The following FSIP1 variants were observed in gnomAD, a reference collection of about 807,000 sequenced individuals.
FSIP1 encodes the protein fibrous sheath interacting protein 1.
FSIP1 carries 65 observed loss-of-function variants against 60.9 expected under a neutral mutation model. The observed-to-expected ratio is 1.07, with a 90% CI of 0.87 to 1.31. The LOEUF is 1.31. Ranked by LOEUF, FSIP1 falls within the 40% of genes most tolerant of loss-of-function variation. The pLI is 0.00. For synonymous variants in FSIP1, 209 were observed against 221.2 expected, an observed-to-expected ratio of 0.94 and a Z score of 0.49; for missense variants, 675 against 665.5, an observed-to-expected ratio of 1.01 and a Z score of -0.16.
At chr15:39,630,802 G>A (rs565368180) in intron 10 of FSIP1, among the ~76,000 whole-genome samples, 8 of 152,120 alleles carry the variant, frequency 5.3e-5, no homozygotes, top group South Asian at 2.1e-4. Context: ...CCTTTTTCGA[G>A]GGGGAGCACC....
chr15:39,728,314 G>T (rs1324643628), intron 8 of FSIP1, among the ~76,000 whole-genome samples: 4 of 152,080 alleles, frequency 2.6e-5, no homozygotes, highest in Non-Finnish European at 5.9e-5. Context: ...AACCAGAAAA[G>T]AGCCTGGATA....
At chr15:39,766,785 T>C (rs920574764) in intron 3 of FSIP1, among the ~76,000 whole-genome samples, 5 of 152,236 alleles carry the variant, frequency 3.3e-5, no homozygotes, top group African/African-American at 9.7e-5. Flanking sequence ...ATTTATCAAC[T>C]TTTGAAAACC....
In FSIP1 at chr15:39,770,618, T is replaced by C. The variant is rs1292713578; in HGVS notation, c.127-8A>G. 2.1e-6 allele frequency: 3 copies of C among 1,461,428 alleles called. No individual in the cohort carries two copies. Among genetic ancestry groups the C allele is most frequent in the Admixed American group, 2.6e-5 (1 of 38,008 alleles). The allele number at this position is 1,461,428 out of a possible 1,614,324, so 90.5% of individuals were successfully genotyped here. ...GTTGCTTGCAGTATCGACCTAAAAA[T>C]AATTTCAAAAAAAAAACAGTTTCCG... On this transcript the variant is annotated splice_polypyrimidine_tract_variant and splice_region_variant and intron_variant, in intron 2 of 11. Transcript: ENST00000350221.
chr15:39,601,510 T>C (rs185994988), intron 11 of FSIP1, among the ~76,000 whole-genome samples: 3 of 152,306 alleles, frequency 2.0e-5, no homozygotes, highest in Admixed American at 6.5e-5. Flanking sequence ...TGGCAGTTCC[T>C]GAGAAGGTTA....
At chr15:39,631,951 T>C (rs1450289442) in intron 10 of FSIP1, among the ~76,000 whole-genome samples, 1 of 152,206 alleles carries the variant, frequency 6.6e-6, no homozygotes, top group Non-Finnish European at 1.5e-5. Flanking sequence ...GTCATGTTAA[T>C]ATTTTCTCCT....
chr15:39,668,827 A>G (rs1312453685), intron 10 of FSIP1, among the ~76,000 whole-genome samples: 3 of 152,196 alleles, frequency 2.0e-5, no homozygotes, highest in Admixed American at 6.5e-5. Flanking sequence ...CCCATTTAAA[A>G]ATAATAAATA....
At chr15:39,677,985 A>G (rs1274200023) in intron 10 of FSIP1, among the ~76,000 whole-genome samples, 1 of 151,044 alleles carries the variant, frequency 6.6e-6, no homozygotes, top group Admixed American at 6.6e-5. Flanking sequence ...ACAGAGCGAG[A>G]ATTCGTCTCA....
chr15:39,631,578 T>C (rs966950757), intron 10 of FSIP1, among the ~76,000 whole-genome samples: 1 of 152,170 alleles, frequency 6.6e-6, no homozygotes, highest in Non-Finnish European at 1.5e-5. Flanking sequence ...CCAGACTTCA[T>C]GTCCACTCAC....
At chr15:39,762,475 G>A (rs1897534569) in intron 5 of FSIP1, among the ~76,000 whole-genome samples, 1 of 152,164 alleles carries the variant, frequency 6.6e-6, no homozygotes. Flanking sequence ...CAAAGACCCT[G>A]TTTCCAAATA....
Position 39,697,265 on chromosome 15 carries a change from A to C in FSIP1, c.1188+16179T>G, listed in dbSNP as rs570375350. ...AGATATACCAAACAAAAACAAAAACAAAAAAACCTAAAACTTGCTGTGTGT... is the reference window on the plus strand; with the variant it reads ...AGATATACCAAACAAAAACAAAAACCAAAAAACCTAAAACTTGCTGTGTGT... On this transcript the variant is annotated intron_variant, in intron 10 of 11. Coordinates refer to ENST00000350221, the MANE Select transcript of FSIP1 (RefSeq NM_152597.5). Among the ~76,000 whole-genome samples, 66 of 152,206 alleles carry C rather than the reference A, an allele frequency of 4.3e-4. 1 individual carries two copies. In the South Asian group the frequency reaches 0.013, roughly 31 times the overall value.
chr15:39,767,040 G>C (rs1897715207), intron 3 of FSIP1, among the ~76,000 whole-genome samples: 1 of 152,014 alleles, frequency 6.6e-6, no homozygotes, highest in African/African-American at 2.4e-5. Context: ...GTAGAGATGG[G>C]GGTCTCACTA....
chr15:39,725,786 A>ATT lies in FSIP1; in HGVS notation c.1050+801_1050+802dup, dbSNP rs201621001. ...TCTGATATGCCATACCTTCTACCAGATTTTTTTTTTTTTTTTGACAGAGAA... is the reference window on the plus strand; with the variant it reads ...TCTGATATGCCATACCTTCTACCAGATTTTTTTTTTTTTTTTTTGACAGAGAA... On this transcript the variant is annotated intron_variant, in intron 9 of 11. Coordinates refer to ENST00000350221, the MANE Select transcript of FSIP1 (RefSeq NM_152597.5). 4.2e-3 allele frequency among the ~76,000 whole-genome samples: 605 copies of ATT among 143,480 alleles called. 5 individuals carry two copies. The highest frequency in any genetic ancestry group is 0.014 in the African/African-American group (558 of 39,372). The allele number at this position is 143,480 out of a possible 152,430, so 94.1% of individuals were successfully genotyped here. A position where few individuals can be genotyped will look rare whatever the true frequency, so the allele number is the denominator to read the frequency against.
At chr15:39,648,514 G>A (rs1434538375) in intron 10 of FSIP1, among the ~76,000 whole-genome samples, 10 of 152,194 alleles carry the variant, frequency 6.6e-5, no homozygotes, top group Admixed American at 5.9e-4. Flanking sequence ...CACTGACACA[G>A]ACCAATGCTT....
At chr15:39,675,315 C>T (rs376842669) in intron 10 of FSIP1, among the ~76,000 whole-genome samples, 2 of 152,296 alleles carry the variant, frequency 1.3e-5, no homozygotes, top group East Asian at 1.9e-4. Flanking sequence ...ATACATTCCT[C>T]TGTGCCATTC....
At chr15:39,684,022 T>C (rs574070225) in intron 10 of FSIP1, among the ~76,000 whole-genome samples, 4 of 152,354 alleles carry the variant, frequency 2.6e-5, no homozygotes, top group Non-Finnish European at 5.9e-5. Flanking sequence ...ACCAAACTTA[T>C]CTATAAATTT....
chr15:39,769,152 G>A (rs934587859), intron 3 of FSIP1, among the ~76,000 whole-genome samples: 38 of 151,958 alleles, frequency 2.5e-4, no homozygotes, highest in African/African-American at 7.2e-4. Context: ...GGTAGCGGGC[G>A]CCTGTAGTCC....
intron 10 of FSIP1, among the ~76,000 whole-genome samples, chr15:39,675,164 C>T (rs562273760): frequency 1.4e-3 from 218 of 152,074 alleles, no homozygotes; most frequent in African/African-American, 4.9e-3. Context: ...ATTTTTAAGT[C>T]GGATAGTAGC....
chr15:39,626,011 G>A (rs1891624019), intron 10 of FSIP1, among the ~76,000 whole-genome samples: 4 of 152,184 alleles, frequency 2.6e-5, no homozygotes, highest in Admixed American at 2.6e-4. Context: ...GTAGAGATAA[G>A]TTGGGTCAAG....
At chr15:39,763,724 G>C in intron 5 of FSIP1, 97 bp downstream of exon 5, 1 of 702,678 alleles carries the variant, frequency 1.4e-6, no homozygotes, top group Non-Finnish European at 2.6e-6. Flanking sequence ...AACTCACAAA[G>C]AACAGGACAG....
Sources: allele counts gnomAD v4.1 joint callset (sites outside exome capture counted in the v4.1 genomes callset), GRCh38; gene constraint gnomAD v4.1.1; transcripts MANE v1.5; gene names NCBI Gene and HGNC (gene_info 2026-07-23, HGNC 2026-07-21).